The following GIGYF2 variants were observed in gnomAD, a reference collection of about 807,000 sequenced individuals.
The protein encoded by GIGYF2 is GRB10 interacting GYF protein 2.
A neutral mutation model predicts 208.1 loss-of-function variants in GIGYF2; 25 were observed. That is an observed-to-expected ratio of 0.12 (90% CI 0.09 to 0.17). GIGYF2 has a LOEUF of 0.17. Ranked by LOEUF, GIGYF2 falls within the 10% of genes least tolerant of loss-of-function variation. The probability of loss-of-function intolerance (pLI) is 1.00; values close to 1 mark genes in which losing one functional copy is unlikely to be tolerated. For synonymous variants in GIGYF2, 534 were observed against 543.8 expected (o/e 0.98, Z 0.25); for missense variants, 1,302 against 1,579.4 (o/e 0.82, Z 2.98).
intron 2 of GIGYF2, among the ~76,000 whole-genome samples, chr2:232,703,828 A>G (rs1695963374): frequency 6.6e-6 from 1 of 152,234 alleles, no homozygotes; most frequent in Admixed American, 6.5e-5. Flanking sequence ...TTCAGGAGCC[A>G]TAGTACTTGT....
chr2:232,832,743 TC>T, intron 21 of GIGYF2, 113 bp from the exon 22 acceptor site: 1 of 749,414 alleles, frequency 1.3e-6, no homozygotes, highest in Non-Finnish European at 2.3e-6. Flanking sequence ...GAACAGAGTT[TC>T]TGCTTTCTCT....
intron 2 of GIGYF2, among the ~76,000 whole-genome samples, chr2:232,720,853 C>T (rs1192095576): frequency 1.3e-5 from 2 of 152,116 alleles, no homozygotes; most frequent in African/African-American, 4.8e-5. Context: ...CCTCAGCCTC[C>T]CAAAGTGCTG....
At chr2:232,804,034 G>T (rs1356984321) in intron 14 of GIGYF2, among the ~76,000 whole-genome samples, 4 of 152,070 alleles carry the variant, frequency 2.6e-5, no homozygotes, top group Non-Finnish European at 5.9e-5. Context: ...GTACAATCTT[G>T]ATTACTGTAG....
At chr2:232,736,649 C>T (rs886563690) in intron 3 of GIGYF2, 18 of 152,206 alleles carry the variant, frequency 1.2e-4, no homozygotes, top group African/African-American at 3.9e-4. Flanking sequence ...TTTTAATGAA[C>T]ATTCTTATAG....
chr2:232,741,699 C>A (rs1296565262), intron 3 of GIGYF2, among the ~76,000 whole-genome samples: 1 of 152,146 alleles, frequency 6.6e-6, no homozygotes, highest in Non-Finnish European at 1.5e-5. Context: ...CCTCCTTGGC[C>A]TCCTACAGTG....
chr2:232,824,455 TAGA>T (rs1284179526), intron 21 of GIGYF2, among the ~76,000 whole-genome samples: 3 of 152,172 alleles, frequency 2.0e-5, no homozygotes, highest in African/African-American at 7.2e-5. Flanking sequence ...GTGGTCTGGA[TAGA>T]AGATCAGACC....
intron 2 of GIGYF2, among the ~76,000 whole-genome samples, chr2:232,733,257 CAAA>C (rs397868481): frequency 0.026 from 2,350 of 91,176 alleles, 74 homozygotes; most frequent in African/African-American, 0.091. Context: ...ACTCTTGTCT[CAAA>C]AAAAAAAAAA....
At chr2:232,818,740 T>A (rs961187103) in intron 20 of GIGYF2, among the ~76,000 whole-genome samples, 28 of 152,180 alleles carry the variant, frequency 1.8e-4, no homozygotes, top group African/African-American at 6.5e-4. Context: ...AATTATGTCA[T>A]CTTTCCATGT....
intron 2 of GIGYF2, among the ~76,000 whole-genome samples, chr2:232,710,620 T>C (rs770705084): frequency 7.9e-5 from 12 of 151,888 alleles, no homozygotes; most frequent in Non-Finnish European, 1.5e-4. Context: ...AGTCTTTCTG[T>C]CCTTGGAAAA....
chr2:232,714,010 T>C (rs952416077), intron 2 of GIGYF2, among the ~76,000 whole-genome samples: 4 of 150,260 alleles, frequency 2.7e-5, no homozygotes, highest in Admixed American at 1.3e-4. Flanking sequence ...AGTGTAGTGG[T>C]GCGATCTCGG....
At position 232,756,483 on chromosome 2, in the gene GIGYF2, A is replaced by G. The variant is rs1015171430; in HGVS notation, c.379+149A>G. 4 of 549,964 alleles carry G rather than the reference A, an allele frequency of 7.3e-6. 1 individual carries two copies. The African/African-American group carries it at 7.7e-5, about 11-fold the overall frequency. The allele number at this position is 549,964 out of a possible 1,614,324, so 34.1% of individuals were successfully genotyped here. A position where few individuals can be genotyped will look rare whatever the true frequency, so the allele number is the denominator to read the frequency against. ...GTCCTGAATATTTATATTCAGAACC[A>G]TTTTTTAGAGGTATCTCCTCTATAA... is the stretch of plus-strand genomic sequence containing the variant. On this transcript the variant is annotated intron_variant, in intron 6 of 28. Coordinates refer to ENST00000373563, the MANE Select transcript of GIGYF2 (RefSeq NM_001103146.3).
chr2:232,760,346 A>G, intron 6 of GIGYF2, 134 bp from the exon 7 acceptor site: 1 of 682,556 alleles, frequency 1.5e-6, no homozygotes, highest in Non-Finnish European at 2.7e-6. Flanking sequence ...CAAGATCATC[A>G]GGCCTCGTTC....
At chr2:232,799,649 A>G (rs1324296996) in intron 14 of GIGYF2, among the ~76,000 whole-genome samples, 1 of 152,096 alleles carries the variant, frequency 6.6e-6, no homozygotes, top group African/African-American at 2.4e-5. Context: ...TTTTGGGTAT[A>G]TACCAAGAAG....
intron 21 of GIGYF2, among the ~76,000 whole-genome samples, chr2:232,831,393 CATTT>C (rs1417341100): frequency 6.6e-6 from 1 of 152,122 alleles, no homozygotes; most frequent in Non-Finnish European, 1.5e-5. Context: ...TTGGTTTATT[CATTT>C]AACAGTTAAC....
Position 232,818,747 on chromosome 2 carries a change from A to G in GIGYF2, c.2371-1080A>G, listed in dbSNP as rs973308131. On this transcript the variant is annotated intron_variant, in intron 20 of 28. Transcript: ENST00000373563. ...TTGACATGAATTATGTCATCTTTCC[A>G]TGTCAAATGTGTATCTAAAAATCTA... Among the ~76,000 whole-genome samples the G allele has an allele frequency of 2.6e-5, 4 of 152,056 alleles. No homozygotes were observed. The East Asian group carries it at 7.7e-4, about 29-fold the overall frequency.
At chr2:232,755,443 C>CA (rs1439834764) in intron 5 of GIGYF2, among the ~76,000 whole-genome samples, 2 of 152,208 alleles carry the variant, frequency 1.3e-5, no homozygotes, top group African/African-American at 4.8e-5. Flanking sequence ...GCTGGGATTA[C>CA]AGGCATGAAC....
intron 14 of GIGYF2, among the ~76,000 whole-genome samples, chr2:232,798,303 T>G (rs1367034709): frequency 6.6e-6 from 1 of 152,230 alleles, no homozygotes; most frequent in Non-Finnish European, 1.5e-5. Flanking sequence ...TGTTTAACCA[T>G]TCACCCATTG....
At chr2:232,698,693 A>G (rs910336284) in intron 1 of GIGYF2, among the ~76,000 whole-genome samples, 9 of 152,190 alleles carry the variant, frequency 5.9e-5, no homozygotes, top group Non-Finnish European at 1.2e-4. Flanking sequence ...GATGTTGACA[A>G]CAGAAGAGGA....
chr2:232,723,219 A>G (rs1438925932), intron 2 of GIGYF2, among the ~76,000 whole-genome samples: 1 of 152,178 alleles, frequency 6.6e-6, no homozygotes, highest in Non-Finnish European at 1.5e-5. Flanking sequence ...ACAAGTAGAT[A>G]GGAGCAGTTT....
Sources: gnomAD v4.1 joint callset for allele counts (sites outside exome capture counted in the v4.1 genomes callset) on GRCh38, gnomAD v4.1.1 for gene constraint, MANE v1.5 for transcripts, NCBI Gene and HGNC (gene_info 2026-07-23, HGNC 2026-07-21) for gene names.